Variants in MSRB3 observed in about 807,000 individuals in gnomAD.
The protein encoded by MSRB3 is methionine sulfoxide reductase B3.
MSRB3 carries 13 observed loss-of-function variants against 21.0 expected under a neutral mutation model. The ratio of observed to expected loss-of-function variants is 0.62; its 90% confidence interval spans 0.40 to 0.98. The LOEUF is 0.98. Ranked by LOEUF, MSRB3 falls within the 50% of genes least tolerant of loss-of-function variation. MSRB3 has a pLI of 0.00. For missense variants in MSRB3, 199 were observed against 230.3 expected, an observed-to-expected ratio of 0.86 and a Z score of 0.88; for synonymous variants, 87 against 88.6, an observed-to-expected ratio of 0.98 and a Z score of 0.10.
At chr12:65,340,582 A>G (rs573245732) in intron 4 of MSRB3, among the ~76,000 whole-genome samples, 11 of 152,260 alleles carry the variant, frequency 7.2e-5, no homozygotes, top group Admixed American at 5.2e-4. Context: ...AAAATCTTAA[A>G]AACATCCAGA....
intron 4 of MSRB3, among the ~76,000 whole-genome samples, chr12:65,338,616 A>C (rs1875939587): frequency 6.6e-6 from 1 of 152,250 alleles, no homozygotes; most frequent in African/African-American, 2.4e-5. Context: ...AAAAATTCAT[A>C]GTCGAGCCTT....
At chr12:65,453,927 A>T (rs372753747) in intron 6 of MSRB3, 102 bp downstream of exon 6, 3 of 928,738 alleles carry the variant, frequency 3.2e-6, no homozygotes, top group East Asian at 2.4e-5. Flanking sequence ...AGAAGGACAG[A>T]CAAGCATGAC....
chr12:65,312,754 T>G (rs145821969), intron 2 of MSRB3, among the ~76,000 whole-genome samples: 75 of 152,212 alleles, frequency 4.9e-4, no homozygotes, highest in Non-Finnish European at 5.9e-4. Context: ...TAGAACTCCA[T>G]GAATCAGCGG....
chr12:65,452,223 A>T (rs1882888283), intron 5 of MSRB3, among the ~76,000 whole-genome samples: 1 of 152,176 alleles, frequency 6.6e-6, no homozygotes, highest in Non-Finnish European at 1.5e-5. Flanking sequence ...GTTGCCTTAA[A>T]TTGCAATTAA....
At chr12:65,348,865 A>G (rs1876724207) in intron 4 of MSRB3, among the ~76,000 whole-genome samples, 1 of 152,142 alleles carries the variant, frequency 6.6e-6, no homozygotes, top group African/African-American at 2.4e-5. Context: ...ATTCAGGAGC[A>G]GGTTGTTCAG....
intron 4 of MSRB3, among the ~76,000 whole-genome samples, chr12:65,353,692 G>A (rs1877191680): frequency 6.6e-6 from 1 of 152,154 alleles, no homozygotes; most frequent in African/African-American, 2.4e-5. Context: ...TTGCCAGTCT[G>A]TGTCTTTTCA....
chr12:65,328,540 A>G lies in MSRB3; in HGVS notation c.200A>G (p.Glu67Gly). ...TTATTTATCAGTGCCTTTGAAGGAG[A>G]ATACACACATCACAAAGATCCTGGA... ...EKGTESAFEG[E>G]YTHHKDPGIY... Residue 67 changes from glutamate to glycine, a missense_variant, in exon 4 of 7, where the codon GAA becomes GGA. Physicochemically the swap from Glu to Gly is moderately conservative, Grantham distance 98. Transcript: ENST00000308259. The G allele has an allele frequency of 1.9e-6, 3 of 1,610,640 alleles. No homozygotes were observed. The highest frequency in any genetic ancestry group is 2.5e-6 in the Non-Finnish European group (3 of 1,177,104).
intron 5 of MSRB3, among the ~76,000 whole-genome samples, chr12:65,399,008 A>G (rs976680959): frequency 3.3e-5 from 5 of 152,164 alleles, no homozygotes; most frequent in Non-Finnish European, 7.3e-5. Context: ...TGGTTACTGT[A>G]GCCTTATAGT....
intron 4 of MSRB3, among the ~76,000 whole-genome samples, chr12:65,336,236 G>C (rs1262994885): frequency 6.6e-6 from 1 of 152,156 alleles, no homozygotes; most frequent in African/African-American, 2.4e-5. Context: ...CATGACTTTA[G>C]AAGAAAGAAA....
intron 5 of MSRB3, among the ~76,000 whole-genome samples, chr12:65,442,298 C>T (rs1175015389): frequency 1.3e-5 from 2 of 151,890 alleles, no homozygotes; most frequent in Non-Finnish European, 2.9e-5. Context: ...TCATCAGGTA[C>T]ATATATTTAT....
rs747316850 is a variant in MSRB3 at position 65,278,782 on chromosome 12, G to A, written c.-135G>A. On this transcript the variant is annotated 5_prime_UTR_variant, in exon 1 of 7. Transcript: ENST00000308259. ...CCTGGCCTTTCCATGAGCCCGCGGC[G>A]GACCCTCCCGCGCCCCCTCTCGCTC... The A allele has an allele frequency of 5.7e-6, 9 of 1,574,930 alleles. No homozygotes were observed. The highest frequency in any genetic ancestry group is 7.7e-6 in the Non-Finnish European group (9 of 1,161,498).
intron 5 of MSRB3, among the ~76,000 whole-genome samples, chr12:65,409,612 T>G (rs920146333): frequency 6.6e-6 from 1 of 152,190 alleles, no homozygotes; most frequent in Admixed American, 6.5e-5. Flanking sequence ...CTTTTGCCTT[T>G]TCAGGTTCTT....
chr12:65,395,535 G>T (rs764208432), intron 5 of MSRB3, among the ~76,000 whole-genome samples: 68 of 151,934 alleles, frequency 4.5e-4, no homozygotes, highest in Non-Finnish European at 4.3e-4. Flanking sequence ...CAGAATAAAA[G>T]ATCTATACAA....
intron 5 of MSRB3, among the ~76,000 whole-genome samples, chr12:65,398,560 C>G (rs776328526): frequency 6.6e-6 from 1 of 152,224 alleles, no homozygotes; most frequent in South Asian, 2.1e-4. Context: ...TGTAGGTTGC[C>G]TGTTCACTCT....
intron 2 of MSRB3, among the ~76,000 whole-genome samples, chr12:65,322,721 C>T (rs1874763160): frequency 6.7e-6 from 1 of 150,148 alleles, no homozygotes; most frequent in Admixed American, 6.6e-5. Flanking sequence ...GTTTTGCAGT[C>T]AGACAGCCCT....
intron 5 of MSRB3, among the ~76,000 whole-genome samples, chr12:65,429,762 G>A (rs1378484711): frequency 1.3e-5 from 2 of 152,152 alleles, no homozygotes; most frequent in Non-Finnish European, 2.9e-5. Context: ...TTTAACAACA[G>A]CTATATCATA....
At chr12:65,280,740 C>A (rs939121029) in intron 1 of MSRB3, among the ~76,000 whole-genome samples, 5 of 152,108 alleles carry the variant, frequency 3.3e-5, no homozygotes, top group Admixed American at 6.6e-5. Context: ...TTGCAGCATA[C>A]AATGTAATTT....
intron 5 of MSRB3, among the ~76,000 whole-genome samples, chr12:65,372,219 T>G (rs573811835): frequency 3.3e-4 from 50 of 152,334 alleles, no homozygotes; most frequent in African/African-American, 1.1e-3. Flanking sequence ...GAAAACTCTT[T>G]GAAAGTCCTA....
chr12:65,409,575 T>C (rs1188270167), intron 5 of MSRB3, among the ~76,000 whole-genome samples: 1 of 152,196 alleles, frequency 6.6e-6, no homozygotes, highest in Non-Finnish European at 1.5e-5. Context: ...TGTGGCATTA[T>C]GACTGTATAA....
Sources: allele counts gnomAD v4.1 joint callset (sites outside exome capture counted in the v4.1 genomes callset), GRCh38; gene constraint gnomAD v4.1.1; transcripts MANE v1.5; gene names NCBI Gene and HGNC (gene_info 2026-07-23, HGNC 2026-07-21).